The following PDZD8 variants were observed in gnomAD, a reference collection of about 807,000 sequenced individuals.
PDZD8 encodes PDZ domain-containing protein 8.
In PDZD8, 14 loss-of-function variants were observed where a neutral mutation model predicts 85.8. That is an observed-to-expected ratio of 0.16 (90% confidence interval 0.11 to 0.26). PDZD8 has a LOEUF of 0.26. Among genes scored for constraint, PDZD8 ranks in the 10% least tolerant of loss-of-function variants. The pLI is 1.00. For synonymous variants in PDZD8, 592 were observed against 568.6 expected (o/e 1.04, Z -0.59); for missense variants, 1,197 against 1,424.3 (o/e 0.84, Z 2.57).
chr10:117,294,087 TA>T (rs757287806), intron 3 of PDZD8, among the ~76,000 whole-genome samples: 19 of 152,232 alleles, frequency 1.2e-4, no homozygotes, highest in Admixed American at 4.6e-4. Context: ...AATGCTTATA[TA>T]GGGGGGAAAA....
At chr10:117,363,542 A>G (rs1257550410) in intron 1 of PDZD8, among the ~76,000 whole-genome samples, 2 of 152,170 alleles carry the variant, frequency 1.3e-5, no homozygotes, top group East Asian at 1.9e-4. Context: ...GAGAAACACC[A>G]TTTCTAAAAA....
chr10:117,297,004 T>C (rs917202516), intron 3 of PDZD8, among the ~76,000 whole-genome samples: 1 of 152,084 alleles, frequency 6.6e-6, no homozygotes, highest in African/African-American at 2.4e-5. Context: ...TGATAAGCCA[T>C]AGATTAGGAG....
At chr10:117,296,213 T>C (rs560945785) in intron 3 of PDZD8, among the ~76,000 whole-genome samples, 3 of 151,850 alleles carry the variant, frequency 2.0e-5, no homozygotes, top group Non-Finnish European at 2.9e-5. Context: ...ATAGAATATA[T>C]GGAATTATAA....
At chr10:117,351,351 T>A (rs1010790410) in intron 1 of PDZD8, among the ~76,000 whole-genome samples, 6 of 152,208 alleles carry the variant, frequency 3.9e-5, no homozygotes, top group Admixed American at 3.3e-4. Context: ...CATGGATTAA[T>A]CTCACAAACT....
chr10:117,283,734 T>G lies in PDZD8; in HGVS notation c.2999A>C (p.Lys1000Thr). Residue 1000 changes from lysine to threonine, a missense_variant, in exon 5 of 5, where the codon AAG becomes ACG. Lys to Thr is a moderately conservative substitution (Grantham distance 78). Coordinates refer to ENST00000334464, the MANE Select transcript of PDZD8 (RefSeq NM_173791.5). ...CAGACCACCCTCTTTTCTCACTAACTTTATTCCTGTGCTGTTTCCCCGTTT... is the reference window on the plus strand; with the variant it reads ...CAGACCACCCTCTTTTCTCACTAACGTTATTCCTGTGCTGTTTCCCCGTTT... ...PSKRGNSTGI[K>T]LVRKEGGLDD... 2 of 1,614,176 alleles carry G rather than the reference T, an allele frequency of 1.2e-6. No individual in the cohort carries two copies. Among genetic ancestry groups the G allele is most frequent in the Non-Finnish European group, 1.7e-6 (2 of 1,180,034 alleles).
intron 2 of PDZD8, among the ~76,000 whole-genome samples, chr10:117,322,178 C>A (rs2133815327): frequency 6.6e-6 from 1 of 152,234 alleles, no homozygotes; most frequent in South Asian, 2.1e-4. Context: ...CTAATAAGAA[C>A]AAACCAAATA....
intron 3 of PDZD8, 70 bp downstream of exon 3, chr10:117,318,802 A>G: frequency 8.9e-7 from 1 of 1,129,248 alleles, no homozygotes; most frequent in Non-Finnish European, 1.3e-6. Context: ...AGGAATACAG[A>G]AATAGTAATA....
chr10:117,305,893 T>G (rs1489178787), intron 3 of PDZD8, among the ~76,000 whole-genome samples: 1 of 152,196 alleles, frequency 6.6e-6, no homozygotes, highest in East Asian at 1.9e-4. Flanking sequence ...GTTTTGGCTC[T>G]AACATTTACT....
intron 2 of PDZD8, among the ~76,000 whole-genome samples, chr10:117,340,133 C>T (rs1050494940): frequency 2.9e-4 from 44 of 152,170 alleles, no homozygotes; most frequent in Non-Finnish European, 5.0e-4. Context: ...TTTCTGAGAT[C>T]GCTTCCAGTT....
chr10:117,345,093 A>C (rs1253072467), intron 1 of PDZD8, among the ~76,000 whole-genome samples: 2 of 152,174 alleles, frequency 1.3e-5, no homozygotes. Flanking sequence ...CCTGGTTCTG[A>C]TTATTTTGCT....
chr10:117,355,699 T>C (rs1280376534), intron 1 of PDZD8, among the ~76,000 whole-genome samples: 1 of 152,220 alleles, frequency 6.6e-6, no homozygotes, highest in Non-Finnish European at 1.5e-5. Flanking sequence ...AAGCACTTAG[T>C]ACCATGCCAG....
chr10:117,311,449 A>T (rs1165349435), intron 3 of PDZD8, among the ~76,000 whole-genome samples: 1 of 152,210 alleles, frequency 6.6e-6, no homozygotes, highest in East Asian at 1.9e-4. Flanking sequence ...AGCCTTAGTC[A>T]TACCGAAAAC....
At chr10:117,311,556 T>C (rs1844037032) in intron 3 of PDZD8, among the ~76,000 whole-genome samples, 1 of 152,102 alleles carries the variant, frequency 6.6e-6, no homozygotes. Flanking sequence ...ACTGATCACA[T>C]TATCATAGAA....
chr10:117,334,552 T>C (rs11812488), intron 2 of PDZD8, among the ~76,000 whole-genome samples: 3,353 of 152,028 alleles, frequency 0.022, 110 homozygotes, highest in African/African-American at 0.074. Context: ...GCTCAGATAC[T>C]AGATTTAGCA....
intron 2 of PDZD8, among the ~76,000 whole-genome samples, chr10:117,328,423 T>A (rs1310407911): frequency 6.6e-6 from 1 of 151,918 alleles, no homozygotes; most frequent in African/African-American, 2.4e-5. Context: ...TATTATTATT[T>A]TTTTTGGAGA....
At chr10:117,286,043 T>G (rs1424787957) in intron 4 of PDZD8, among the ~76,000 whole-genome samples, 1 of 152,224 alleles carries the variant, frequency 6.6e-6, no homozygotes, top group Non-Finnish European at 1.5e-5. Flanking sequence ...ACATTCATCT[T>G]TTTCAAAACC....
intron 1 of PDZD8, among the ~76,000 whole-genome samples, chr10:117,361,599 C>T (rs1844999511): frequency 6.6e-6 from 1 of 152,168 alleles, no homozygotes; most frequent in Non-Finnish European, 1.5e-5. Context: ...AAACAGAAAT[C>T]TGGTCTTCTT....
Position 117,375,395 on chromosome 10 carries a change from C to T in PDZD8, c.-168G>A. Reference sequence around the variant, plus strand: ...GGGCCGGCGCGCTGCGGCGCCCGAGCCCGCAGCGGCCCGCGCCTCCTCAGA... The same window carrying T: ...GGGCCGGCGCGCTGCGGCGCCCGAGTCCGCAGCGGCCCGCGCCTCCTCAGA... On this transcript the variant is annotated 5_prime_UTR_variant, in exon 1 of 5. Transcript: ENST00000334464. The T allele has an allele frequency of 5.9e-6, 2 of 341,390 alleles. No homozygotes were observed. Among genetic ancestry groups the T allele is most frequent in the Non-Finnish European group, 1.0e-5 (2 of 195,944 alleles). The allele number at this position is 341,390 out of a possible 1,614,324, so 21.1% of individuals were successfully genotyped here.
At chr10:117,323,832 G>A (rs963353492) in intron 2 of PDZD8, among the ~76,000 whole-genome samples, 4 of 152,130 alleles carry the variant, frequency 2.6e-5, no homozygotes, top group South Asian at 2.1e-4. Flanking sequence ...CCAGACCTGC[G>A]TGCTAGAGAA....
Sources: gnomAD v4.1 joint callset for allele counts (sites outside exome capture counted in the v4.1 genomes callset) on GRCh38, gnomAD v4.1.1 for gene constraint, MANE v1.5 for transcripts, NCBI Gene and HGNC (gene_info 2026-07-23, HGNC 2026-07-21) for gene names.